CLASP2: variants seen among roughly 807,000 people sequenced by gnomAD.
The protein encoded by CLASP2 is cytoplasmic linker associated protein 2.
Under a neutral mutation model 194.4 loss-of-function variants are expected in CLASP2, and 47 were observed. The ratio of observed to expected loss-of-function variants is 0.24; its 90% CI spans 0.19 to 0.31. The LOEUF is 0.31. CLASP2 is among the 10% of genes least tolerant of loss of function. The probability of loss-of-function intolerance (pLI) is 1.00; values close to 1 mark genes in which losing one functional copy is unlikely to be tolerated. For synonymous variants in CLASP2, 619 were observed against 633.5 expected (o/e 0.98, Z 0.34); for missense variants, 1,445 against 1,823.6 (o/e 0.79, Z 3.78).
intron 19 of CLASP2, among the ~76,000 whole-genome samples, chr3:33,595,270 C>T (rs540957048): frequency 2.0e-5 from 3 of 152,092 alleles, no homozygotes; most frequent in African/African-American, 4.8e-5. Context: ...ATTAGAGAAA[C>T]TCATCACTCA....
intron 27 of CLASP2, among the ~76,000 whole-genome samples, chr3:33,566,198 A>G (rs368931560): frequency 1.1e-3 from 171 of 152,354 alleles, no homozygotes; most frequent in African/African-American, 4.0e-3. Flanking sequence ...ATGCTAATAT[A>G]AAACTAGTGA....
intron 9 of CLASP2, among the ~76,000 whole-genome samples, chr3:33,627,397 A>T (rs2078241672): frequency 6.6e-6 from 1 of 152,184 alleles, no homozygotes; most frequent in African/African-American, 2.4e-5. Context: ...AATGACTTCA[A>T]GTGTATAACC....
At chr3:33,714,950 T>C (rs1384795470) in intron 1 of CLASP2, among the ~76,000 whole-genome samples, 2 of 152,222 alleles carry the variant, frequency 1.3e-5, no homozygotes, top group Non-Finnish European at 2.9e-5. Flanking sequence ...TATGATGTTA[T>C]ACCTGCCCAG....
At chr3:33,624,220 G>A (rs112043876) in intron 10 of CLASP2, among the ~76,000 whole-genome samples, 1,666 of 151,940 alleles carry the variant, frequency 0.011, 36 homozygotes, top group African/African-American at 0.038. Flanking sequence ...TTAACTCGAG[G>A]TTTTCTAAAT....
At chr3:33,546,078 CCA>C (rs773085727) in intron 30 of CLASP2, among the ~76,000 whole-genome samples, 2 of 151,984 alleles carry the variant, frequency 1.3e-5, no homozygotes, top group Non-Finnish European at 2.9e-5. Flanking sequence ...TTTGGAACCA[CCA>C]CATTGAATGG....
At chr3:33,594,780 A>T (rs1243430060) in intron 20 of CLASP2, among the ~76,000 whole-genome samples, 171 bp downstream of exon 20, 4 of 151,898 alleles carry the variant, frequency 2.6e-5, no homozygotes, top group African/African-American at 9.7e-5. Context: ...AAAAAAAAAA[A>T]ATCCACACAT....
chr3:33,673,688 C>G (rs1356626659), intron 6 of CLASP2, among the ~76,000 whole-genome samples: 2 of 152,172 alleles, frequency 1.3e-5, no homozygotes, highest in Non-Finnish European at 2.9e-5. Context: ...GTGCTGTATT[C>G]AGGAAACCCA....
chr3:33,687,279 G>T, intron 4 of CLASP2, 144 bp from the exon 5 acceptor site: 1 of 554,338 alleles, frequency 1.8e-6, no homozygotes, highest in Non-Finnish European at 3.2e-6. Context: ...AAGGATATGA[G>T]ACATAAGCAA....
intron 30 of CLASP2, among the ~76,000 whole-genome samples, chr3:33,548,490 G>C (rs532663791): frequency 6.6e-6 from 1 of 151,904 alleles, no homozygotes; most frequent in South Asian, 2.1e-4. Context: ...GTAGAGACAG[G>C]GTTTCACCAT....
At chr3:33,583,951 C>G (rs963182246) in intron 22 of CLASP2, among the ~76,000 whole-genome samples, 4 of 152,120 alleles carry the variant, frequency 2.6e-5, no homozygotes, top group African/African-American at 9.7e-5. Flanking sequence ...TTGGGTTCAT[C>G]ATAGCAATGT....
intron 36 of CLASP2, among the ~76,000 whole-genome samples, chr3:33,514,062 A>C (rs1176276887): frequency 6.6e-6 from 1 of 152,150 alleles, no homozygotes; most frequent in African/African-American, 2.4e-5. Flanking sequence ...ATCTTAGCTC[A>C]CTGCAGCCTC....
chr3:33,707,692 A>G (rs542338979), intron 1 of CLASP2, among the ~76,000 whole-genome samples: 1 of 152,318 alleles, frequency 6.6e-6, no homozygotes, highest in African/African-American at 2.4e-5. Flanking sequence ...CCCACAAAAA[A>G]GGACTCAATT....
chr3:33,623,785 T>A (rs2077512947), intron 10 of CLASP2, among the ~76,000 whole-genome samples: 1 of 152,206 alleles, frequency 6.6e-6, no homozygotes, highest in Admixed American at 6.5e-5. Flanking sequence ...CTTTTGGATA[T>A]ATACCCAGCA....
intron 7 of CLASP2, among the ~76,000 whole-genome samples, chr3:33,662,387 G>A (rs1263307554): frequency 1.3e-5 from 2 of 152,142 alleles, no homozygotes; most frequent in Non-Finnish European, 2.9e-5. Flanking sequence ...AATTGACAGA[G>A]GTAACTGCTA....
intron 29 of CLASP2, among the ~76,000 whole-genome samples, chr3:33,556,431 C>T (rs2060929202): frequency 1.3e-5 from 2 of 149,396 alleles, no homozygotes; most frequent in South Asian, 4.2e-4. Flanking sequence ...AAGTGATTTT[C>T]TTTCTTTCTT....
chr3:33,510,808 A>G, intron 36 of CLASP2, 44 bp from the exon 37 acceptor site: 1 of 1,459,956 alleles, frequency 6.8e-7, no homozygotes, highest in Non-Finnish European at 9.4e-7. Flanking sequence ...TTTTTAAAAT[A>G]TTACACTACA....
At chr3:33,700,363 G>A (rs2092288846) in intron 1 of CLASP2, among the ~76,000 whole-genome samples, 1 of 151,992 alleles carries the variant, frequency 6.6e-6, no homozygotes, top group South Asian at 2.1e-4. Context: ...GAAGGCAGAG[G>A]TTGCAGTGAG....
intron 8 of CLASP2, among the ~76,000 whole-genome samples, chr3:33,642,968 G>C (rs1036707355): frequency 6.6e-5 from 10 of 151,760 alleles, no homozygotes; most frequent in Non-Finnish European, 1.3e-4. Context: ...TGGCAGAAAG[G>C]CTGTTGCTTA....
chr3:33,659,105 T>A (rs2084837096), intron 7 of CLASP2: 2 of 1,480,524 alleles, frequency 1.4e-6, no homozygotes, highest in Non-Finnish European at 1.8e-6. Context: ...CGGAGCACTG[T>A]GTGACCCAGG....
Sources: gnomAD v4.1 joint callset for allele counts (sites outside exome capture counted in the v4.1 genomes callset) on GRCh38, gnomAD v4.1.1 for gene constraint, MANE v1.5 for transcripts, NCBI Gene and HGNC (gene_info 2026-07-23, HGNC 2026-07-21) for gene names.